The following NAALADL2 variants were observed in gnomAD, a reference collection of about 807,000 sequenced individuals.
The protein encoded by NAALADL2 is inactive N-acetylated-alpha-linked acidic dipeptidase-like protein 2.
A neutral mutation model predicts 87.2 loss-of-function variants in NAALADL2; 76 were observed. The ratio of observed to expected loss-of-function variants is 0.87; its 90% CI spans 0.72 to 1.05. The LOEUF (loss-of-function observed/expected upper bound fraction) is 1.05, where lower values mean the gene tolerates loss of function less well. Ranked by LOEUF, NAALADL2 falls within the 50% of genes least tolerant of loss-of-function variation. NAALADL2 has a pLI of 0.00. For synonymous variants in NAALADL2, 354 were observed against 331.0 expected, an observed-to-expected ratio of 1.07 and a Z score of -0.75; for missense variants, 1,089 against 945.8, an observed-to-expected ratio of 1.15 and a Z score of -1.99.
intron 1 of NAALADL2, among the ~76,000 whole-genome samples, chr3:175,031,003 T>G (rs1020206038): frequency 6.6e-6 from 1 of 152,060 alleles, no homozygotes; most frequent in Non-Finnish European, 1.5e-5. Context: ...ATTAATGACT[T>G]CTAAATATTT....
At chr3:174,783,450 T>G (rs1387157103) in intron 3 of NAALADL2, among the ~76,000 whole-genome samples, 1 of 152,154 alleles carries the variant, frequency 6.6e-6, no homozygotes, top group Non-Finnish European at 1.5e-5. Flanking sequence ...ATATTTATAG[T>G]GAAATTCTAG....
chr3:174,513,741 A>C (rs1194996332), intron 1 of NAALADL2, among the ~76,000 whole-genome samples: 1 of 152,208 alleles, frequency 6.6e-6, no homozygotes, highest in Non-Finnish European at 1.5e-5. Flanking sequence ...CCCACAAAAG[A>C]CATAAAAAAT....
At position 174,997,157 on chromosome 3, in the gene NAALADL2, CT is replaced by C. The variant is rs560491912; in HGVS notation, c.44-99628del. Among the ~76,000 whole-genome samples, 488 of 151,538 alleles carry C rather than the reference CT, an allele frequency of 3.2e-3. 2 individuals carry two copies. The highest frequency in any genetic ancestry group is 5.4e-3 in the Non-Finnish European group (366 of 67,894). ...CAGCTATAAATGTGTGTGCATGTGT[CT>C]TTTTCATATAATGACTTTTTTTCCT... is the stretch of plus-strand genomic sequence containing the variant. On this transcript the variant is annotated intron_variant, in intron 1 of 13. Transcript: ENST00000454872.
intron 1 of NAALADL2, among the ~76,000 whole-genome samples, chr3:174,977,724 A>G (rs537408713): frequency 2.6e-5 from 4 of 152,298 alleles, no homozygotes; most frequent in African/African-American, 9.6e-5. Flanking sequence ...GTGGCCCTGG[A>G]TAATCCAGTT....
chr3:175,416,015 G>A (rs948621869), intron 5 of NAALADL2, among the ~76,000 whole-genome samples: 4 of 150,688 alleles, frequency 2.7e-5, no homozygotes, highest in Admixed American at 6.6e-5. Flanking sequence ...TCCAGTTACC[G>A]AGAGGCTGAG....
At chr3:175,258,751 T>C (rs770325672) in intron 4 of NAALADL2, among the ~76,000 whole-genome samples, 20 of 152,068 alleles carry the variant, frequency 1.3e-4, no homozygotes, top group Non-Finnish European at 2.1e-4. Flanking sequence ...TCCCCTGCAA[T>C]GTGGGGGACG....
intron 11 of NAALADL2, among the ~76,000 whole-genome samples, chr3:175,678,731 G>T (rs527551382): frequency 6.6e-6 from 1 of 152,126 alleles, no homozygotes; most frequent in South Asian, 2.1e-4. Flanking sequence ...TCGTGGGGTG[G>T]GGGGAGAGGT....
chr3:174,661,440 T>C (rs1469874313), intron 2 of NAALADL2, among the ~76,000 whole-genome samples: 1 of 152,180 alleles, frequency 6.6e-6, no homozygotes, highest in African/African-American at 2.4e-5. Context: ...AAACATTCTT[T>C]AATAACTTTT....
At chr3:175,534,318 ACT>A (rs1211114402) in intron 9 of NAALADL2, among the ~76,000 whole-genome samples, 1 of 152,108 alleles carries the variant, frequency 6.6e-6, no homozygotes, top group East Asian at 1.9e-4. Context: ...TTAAGTATTA[ACT>A]CACACTATCA....
intron 2 of NAALADL2, among the ~76,000 whole-genome samples, chr3:175,111,353 C>T (rs1724156380): frequency 6.6e-6 from 1 of 151,652 alleles, no homozygotes; most frequent in Non-Finnish European, 1.5e-5. Flanking sequence ...TTAAGCTGTA[C>T]ACTCAGTGTT....
At chr3:174,974,512 T>C (rs1744107034) in intron 1 of NAALADL2, among the ~76,000 whole-genome samples, 1 of 152,170 alleles carries the variant, frequency 6.6e-6, no homozygotes, top group Admixed American at 6.5e-5. Context: ...CTAAGGATAT[T>C]AAATGAGATA....
intron 3 of NAALADL2, among the ~76,000 whole-genome samples, chr3:174,839,002 G>T (rs1723696147): frequency 6.6e-6 from 1 of 152,018 alleles, no homozygotes; most frequent in Non-Finnish European, 1.5e-5. Flanking sequence ...CAATCCCAAA[G>T]TTCATAAGGA....
intron 1 of NAALADL2, among the ~76,000 whole-genome samples, chr3:174,534,090 G>T (rs1365352870): frequency 6.6e-6 from 1 of 152,026 alleles, no homozygotes; most frequent in Non-Finnish European, 1.5e-5. Flanking sequence ...TATAAAAATT[G>T]GAACAAATTA....
intron 10 of NAALADL2, among the ~76,000 whole-genome samples, chr3:175,609,248 G>C (rs1451857990): frequency 6.6e-6 from 1 of 152,078 alleles, no homozygotes; most frequent in Admixed American, 6.6e-5. Flanking sequence ...TGAAACATTG[G>C]AAGCAATGAG....
intron 1 of NAALADL2, among the ~76,000 whole-genome samples, chr3:174,541,119 A>C (rs1326581025): frequency 1.3e-5 from 2 of 152,138 alleles, no homozygotes; most frequent in Non-Finnish European, 2.9e-5. Flanking sequence ...CAAACTCTTA[A>C]ACTGAATATT....
In NAALADL2 at chr3:174,559,650, T is replaced by C. The variant is rs10936804; in HGVS notation, c.-115+9013T>C. ...GTCTGAAATTAGGTTGCCAGCATAA[T>C]TAGCTTCTGGTGAGGGCCCTCTTCT... On this transcript the variant is annotated intron_variant, in intron 2 of 3. Transcript: ENST00000434257. Among the ~76,000 whole-genome samples the C allele has an allele frequency of 2.9e-3, 443 of 152,134 alleles. 4 individuals are homozygous for C. The highest frequency in any genetic ancestry group is 0.01 in the African/African-American group (428 of 41,480).
intron 13 of NAALADL2, among the ~76,000 whole-genome samples, chr3:175,771,553 G>C (rs1471210886): frequency 6.6e-6 from 1 of 152,122 alleles, no homozygotes; most frequent in Non-Finnish European, 1.5e-5. Context: ...GGCTCTAAGG[G>C]AGAATCCGTT....
At chr3:175,173,515 T>C (rs1435739002) in intron 2 of NAALADL2, among the ~76,000 whole-genome samples, 1 of 152,022 alleles carries the variant, frequency 6.6e-6, no homozygotes. Context: ...ATAATTCCAA[T>C]GACATTTTTC....
intron 11 of NAALADL2, among the ~76,000 whole-genome samples, chr3:175,674,683 C>G (rs1734518885): frequency 6.6e-6 from 1 of 151,942 alleles, no homozygotes; most frequent in African/African-American, 2.4e-5. Flanking sequence ...TTTTTTGAAT[C>G]ACTTTTGTTT....
Sources: allele counts gnomAD v4.1 joint callset (sites outside exome capture counted in the v4.1 genomes callset), GRCh38; gene constraint gnomAD v4.1.1; transcripts MANE v1.5; gene names NCBI Gene and HGNC (gene_info 2026-07-23, HGNC 2026-07-21).